NOX5: variants seen among roughly 807,000 people sequenced by gnomAD.
The protein encoded by NOX5 is NADPH oxidase, EF-hand calcium binding domain 5.
In NOX5, 76 loss-of-function variants were observed where a neutral mutation model predicts 85.7. The ratio of observed to expected loss-of-function variants is 0.89; its 90% CI spans 0.74 to 1.07. NOX5 has a LOEUF of 1.07. Among genes scored for constraint, NOX5 ranks in the 50% least tolerant of loss-of-function variants. The pLI is 0.00. For missense variants in NOX5, 973 were observed against 999.5 expected (o/e 0.97, Z 0.36); for synonymous variants, 405 against 401.4 (o/e 1.01, Z -0.11).
At chr15:69,031,180 G>A (rs2050423529) in intron 3 of NOX5, 5 of 349,340 alleles carry the variant, frequency 1.4e-5, no homozygotes, top group Middle Eastern at 7.5e-4. Context: ...CTCCCTCAGC[G>A]CTAACCCACA....
At position 69,028,261 on chromosome 15, in the gene NOX5, G is replaced by A. The variant is rs147117800; in HGVS notation, c.221G>A (p.Ser74Asn). 7.2e-5 allele frequency: 116 copies of A among 1,613,328 alleles called. 1 individual carries two copies. The African/African-American group carries it at 1.2e-3, about 17-fold the overall frequency. The change falls in exon 3 of 16, where the codon AGT (serine) becomes AAT (asparagine). Residue 74 changes from serine to asparagine, a missense_variant. Ser to Asn is a conservative substitution (Grantham distance 46). Coordinates refer to ENST00000388866, the MANE Select transcript of NOX5 (RefSeq NM_024505.4). ...TTTGCCCTATTTGACTCCGATAGAA[G>A]TGGCACCATCACCCTCCAGGAGCTG... Reference protein sequence around the residue: ...RFFALFDSDRSGTITLQELQE... With the variant: ...RFFALFDSDRNGTITLQELQE...
intron 7 of NOX5, among the ~76,000 whole-genome samples, chr15:69,036,747 C>A (rs750993534): frequency 3.9e-5 from 6 of 152,148 alleles, no homozygotes; most frequent in Non-Finnish European, 7.4e-5. Flanking sequence ...GATACTGATG[C>A]TCATGATCCC....
In NOX5 at chr15:69,031,426, G is replaced by A. The variant is rs942549252; in HGVS notation, c.326-92G>A. On this transcript the variant is annotated intron_variant, in intron 3 of 15. Transcript: ENST00000388866. The stretch of plus-strand genomic sequence containing the variant: ...GTTTCTGAGCTGAGGGTGACATTTG[G>A]TCCTTCAGTTGCATGGTCTATACCC... 8 of 1,389,518 alleles carry A rather than the reference G, an allele frequency of 5.8e-6. No individual in the cohort carries two copies. In the African/African-American group the frequency reaches 1.0e-4, roughly 17 times the overall value. 86.1% of individuals were successfully genotyped at this position (1,389,518 alleles called of 1,614,324 possible). A position where few individuals can be genotyped will look rare whatever the true frequency, so the allele number is the denominator to read the frequency against.
At position 69,056,818 on chromosome 15, in the gene NOX5, C is replaced by T; in HGVS notation, c.*122C>T. ...CCCAATAAGACAAAGCCTAGGGACC[C>T]CCTAATCCTGCTCAACAGAGAGAAC... On this transcript the variant is annotated 3_prime_UTR_variant, in exon 16 of 16. Coordinates refer to ENST00000388866, the MANE Select transcript of NOX5 (RefSeq NM_024505.4). 4 of 1,251,784 alleles carry T rather than the reference C, an allele frequency of 3.2e-6. No individual in the cohort carries two copies. The highest frequency in any genetic ancestry group is 3.3e-6 in the Non-Finnish European group (3 of 919,804). The allele number at this position is 1,251,784 out of a possible 1,614,324, so 77.5% of individuals were successfully genotyped here.
chr15:69,052,779 C>A (rs749014612), intron 14 of NOX5, among the ~76,000 whole-genome samples: 1 of 152,160 alleles, frequency 6.6e-6, no homozygotes, highest in Non-Finnish European at 1.5e-5. Flanking sequence ...AAGCTCCTTG[C>A]CCTTTCTTGT....
chr15:69,036,214 A>G (rs990558626), intron 7 of NOX5, among the ~76,000 whole-genome samples: 1 of 152,140 alleles, frequency 6.6e-6, no homozygotes, highest in East Asian at 1.9e-4. Flanking sequence ...CAGGGAGGGG[A>G]AGGAACATAG....
intron 7 of NOX5, 106 bp downstream of exon 7, chr15:69,036,042 G>T (rs1274538074): frequency 2.1e-6 from 3 of 1,458,692 alleles, no homozygotes; most frequent in Non-Finnish European, 2.8e-6. Flanking sequence ...GTCCCAAGCT[G>T]GTCTGCATAT....
In NOX5 at chr15:69,033,145, C is replaced by CCTA; in HGVS notation, c.725_726insACT (p.Leu242dup). ...ACAACCACCGCAGCCAGCTGTTCTG[C>CCTA]CTGGCCACCTATGCAGGCCTCCACG... On this transcript the variant is annotated inframe_insertion, in exon 5 of 16. Coordinates refer to ENST00000388866, the MANE Select transcript of NOX5 (RefSeq NM_024505.4). The CCTA allele has an allele frequency of 5.1e-6, 8 of 1,573,626 alleles. No homozygotes were observed. Among genetic ancestry groups the CCTA allele is most frequent in the Non-Finnish European group, 6.9e-6 (8 of 1,166,342 alleles).
At chr15:69,031,274 G>A in intron 3 of NOX5, 2 of 546,240 alleles carry the variant, frequency 3.7e-6, no homozygotes. Context: ...TGGGCAGATA[G>A]TCTTGGAAGT....
chr15:69,055,593 C>A (rs2050802897), intron 15 of NOX5, 93 bp downstream of exon 15: 5 of 1,435,486 alleles, frequency 3.5e-6, no homozygotes, highest in Admixed American at 2.0e-5. Context: ...CTGTCAGGGG[C>A]AAAGTGTGAG....
At chr15:69,019,560 T>C (rs980707907) in intron 1 of NOX5, among the ~76,000 whole-genome samples, 12 of 152,232 alleles carry the variant, frequency 7.9e-5, no homozygotes, top group Admixed American at 7.2e-4. Context: ...AGATCAATCA[T>C]ACTGAGGCGT....
chr15:69,040,143 C>T (rs72752397), intron 9 of NOX5, among the ~76,000 whole-genome samples: 31,772 of 152,244 alleles, frequency 0.21, 4,200 homozygotes, highest in Middle Eastern at 0.35. Context: ...GCCAGGGTTT[C>T]CCCATGTGGG....
intron 1 of NOX5, among the ~76,000 whole-genome samples, chr15:69,017,760 T>C (rs2050248476): frequency 6.6e-6 from 1 of 150,992 alleles, no homozygotes; most frequent in Non-Finnish European, 1.5e-5. Context: ...TTTGACTCTT[T>C]GTTGATATAT....
intron 1 of NOX5, chr15:69,023,290 AAAAG>A: frequency 4.1e-6 from 1 of 246,186 alleles, no homozygotes; most frequent in Non-Finnish European, 8.0e-6. Flanking sequence ...GAGGGTAAGA[AAAAG>A]AAGAGGATCT....
chr15:69,033,068 GC>G lies in NOX5; in HGVS notation c.652del (p.Arg218AlafsTer10), dbSNP rs777268755. On this transcript the variant is annotated frameshift_variant, in exon 5 of 16. Coordinates refer to ENST00000388866, the MANE Select transcript of NOX5 (RefSeq NM_024505.4). LOFTEE classifies it high-confidence loss of function. ...CGCTGCCCACTGGCTGACGGCCCCC[GC>G]CCCCCGCCCACGCCCGCGCCGGCCG... ...ISAAHWLTAP[A>X]PRPRPRRPRQ... 5.2e-6 allele frequency: 8 copies of G among 1,543,980 alleles called. No homozygotes were observed. In the African/African-American group the frequency reaches 9.9e-5, roughly 19 times the overall value.
chr15:69,049,190 GTC>G (rs1157794404), intron 14 of NOX5, 132 bp downstream of exon 14: 3 of 406,700 alleles, frequency 7.4e-6, no homozygotes, highest in Non-Finnish European at 8.5e-6. Context: ...TGAACCCAGA[GTC>G]TTTTTTTTTT....
rs2654999 is a variant in NOX5, at chr15:69,016,110, A to G, written c.50+1325A>G. On this transcript the variant is annotated intron_variant, in intron 1 of 15. Coordinates refer to ENST00000388866, the MANE Select transcript of NOX5 (RefSeq NM_024505.4). ...CTGCTTCTGGTACACAGGGATAGTA[A>G]TAATACCTACCTCACTGGGCTGCAC... Among the ~76,000 whole-genome samples the G allele has an allele frequency of 8.8e-3, 1,333 of 152,272 alleles. 17 individuals carry two copies. Among genetic ancestry groups the G allele is most frequent in the African/African-American group, 0.029 (1,209 of 41,538 alleles).
chr15:69,054,256 G>C (rs1036142361), intron 14 of NOX5, among the ~76,000 whole-genome samples: 8 of 152,168 alleles, frequency 5.3e-5, no homozygotes, highest in African/African-American at 1.9e-4. Flanking sequence ...GGAACACGGA[G>C]GTGCCCACCT....
intron 12 of NOX5, 142 bp downstream of exon 12, chr15:69,047,679 G>A: frequency 7.5e-7 from 1 of 1,329,480 alleles, no homozygotes; most frequent in Non-Finnish European, 1.0e-6. Context: ...CTCCTGCTCT[G>A]CCCCCCTCTC....
Sources: gnomAD v4.1 joint callset for allele counts (sites outside exome capture counted in the v4.1 genomes callset) on GRCh38, gnomAD v4.1.1 for gene constraint, MANE v1.5 for transcripts, NCBI Gene and HGNC (gene_info 2026-07-23, HGNC 2026-07-21) for gene names.